PTPRQ: variants seen among roughly 807,000 people sequenced by gnomAD.
PTPRQ encodes the protein protein tyrosine phosphatase receptor type Q.
Under a neutral mutation model 246.0 loss-of-function variants are expected in PTPRQ, and 199 were observed. That is an observed-to-expected ratio of 0.81 (90% CI 0.72 to 0.91). PTPRQ has a LOEUF of 0.91. PTPRQ is among the 40% of genes least tolerant of loss of function. The pLI, the probability that PTPRQ is intolerant of heterozygous loss-of-function variation, is 0.00. For synonymous variants in PTPRQ, 869 were observed against 853.2 expected (o/e 1.02, Z -0.32); for missense variants, 2,624 against 2,528.4 (o/e 1.04, Z -0.81).
chr12:80,523,492 G>T (rs1487048005), intron 17 of PTPRQ, among the ~76,000 whole-genome samples: 3 of 152,084 alleles, frequency 2.0e-5, no homozygotes, highest in Non-Finnish European at 4.4e-5. Flanking sequence ...GCTTTCTCTT[G>T]TGGGCATTTA....
rs538908735 is a variant in PTPRQ at position 80,523,478 on chromosome 12, T to C, written c.2679-10537T>C. Among the ~76,000 whole-genome samples the C allele has an allele frequency of 1.9e-3, 292 of 152,356 alleles. 2 individuals are homozygous for C. The highest frequency in any genetic ancestry group is 6.9e-3 in the African/African-American group (285 of 41,588). ...TGTTAGGGTGTCAATTTTAGATCTT[T>C]CCTGCTTTCTCTTGTGGGCATTTAG... On this transcript the variant is annotated intron_variant, in intron 17 of 44. Transcript: ENST00000644991.
chr12:80,624,395 A>G (rs991733352), intron 33 of PTPRQ, among the ~76,000 whole-genome samples: 43 of 152,012 alleles, frequency 2.8e-4, no homozygotes, highest in African/African-American at 9.7e-4. Flanking sequence ...TCTTCCAGGG[A>G]CTCTCTCCTG....
chr12:80,652,216 A>C (rs750715553), intron 37 of PTPRQ, among the ~76,000 whole-genome samples: 6 of 152,094 alleles, frequency 3.9e-5, no homozygotes, highest in Non-Finnish European at 7.4e-5. Flanking sequence ...CCCTTCATCT[A>C]TATCTGATAA....
At chr12:80,492,171 A>G (rs1894470874) in intron 9 of PTPRQ, among the ~76,000 whole-genome samples, 1 of 151,952 alleles carries the variant, frequency 6.6e-6, no homozygotes, top group African/African-American at 2.4e-5. Flanking sequence ...GTAATCATCA[A>G]TAGGCTGCCA....
chr12:80,546,793 G>T, intron 24 of PTPRQ, 96 bp downstream of exon 24: 1 of 1,412,900 alleles, frequency 7.1e-7, no homozygotes, highest in Admixed American at 2.6e-5. Context: ...CATTACTTAA[G>T]AGTCTACTCA....
chr12:80,613,733 C>T lies in PTPRQ; in HGVS notation c.5060C>T (p.Pro1687Leu). 6.5e-7 allele frequency: 1 copy of T among 1,545,892 alleles called. No homozygotes were observed. The highest frequency in any genetic ancestry group is 8.7e-7 in the Non-Finnish European group (1 of 1,143,136). ...YQALVYREDD[P>L]TAVQIHNLSI... The stretch of plus-strand genomic sequence containing the variant: ...GCTCTGGTTTACCGAGAAGATGATC[C>T]TACTGCTGTCCAGATTCACAACCTC... The change falls in exon 29 of 45, where the codon CCT becomes CTT. Residue 1687 changes from proline (P) to leucine (L), a missense_variant. Pro to Leu is a moderately conservative substitution (Grantham distance 98). Transcript: ENST00000644991.
chr12:80,527,721 G>A (rs1200040023), intron 17 of PTPRQ, among the ~76,000 whole-genome samples: 2 of 152,168 alleles, frequency 1.3e-5, no homozygotes, highest in Non-Finnish European at 2.9e-5. Flanking sequence ...AAAATTAAGA[G>A]ATATCTTTAA....
chr12:80,478,560 A>G (rs1893909160), intron 8 of PTPRQ, among the ~76,000 whole-genome samples: 1 of 152,114 alleles, frequency 6.6e-6, no homozygotes, highest in South Asian at 2.1e-4. Flanking sequence ...GAGAAGCTTC[A>G]GACGATCAAA....
intron 17 of PTPRQ, among the ~76,000 whole-genome samples, chr12:80,520,385 G>C (rs1172344065): frequency 6.6e-6 from 1 of 151,962 alleles, no homozygotes; most frequent in East Asian, 1.9e-4. Flanking sequence ...TATACTTTAA[G>C]TTTTAGGGTA....
At chr12:80,499,401 A>C (rs935808527) in intron 14 of PTPRQ, among the ~76,000 whole-genome samples, 1 of 152,008 alleles carries the variant, frequency 6.6e-6, no homozygotes, top group Middle Eastern at 3.2e-3. Flanking sequence ...TGCTACTGTT[A>C]AACCACCCAC....
At chr12:80,654,226 C>T (rs1442472646) in intron 38 of PTPRQ, among the ~76,000 whole-genome samples, 1 of 152,152 alleles carries the variant, frequency 6.6e-6, no homozygotes, top group Non-Finnish European at 1.5e-5. Context: ...TCCCAAGTAG[C>T]TGGGATTACA....
intron 14 of PTPRQ, among the ~76,000 whole-genome samples, chr12:80,499,075 C>G (rs890175508): frequency 6.6e-6 from 1 of 151,162 alleles, no homozygotes; most frequent in Non-Finnish European, 1.5e-5. Context: ...GACCTAGGAC[C>G]ATTTGGGTAA....
chr12:80,478,894 G>C lies in PTPRQ; in HGVS notation c.1187-5539G>C, dbSNP rs563912529. 6.6e-5 allele frequency among the ~76,000 whole-genome samples: 10 copies of C among 152,268 alleles called. No individual in the cohort carries two copies. In the East Asian group the frequency reaches 1.9e-3, roughly 29 times the overall value. ...GACTATGTGAAAAGACCAAATCTAC[G>C]TCTGATTGGTGTACCTGAAAGTGAC... On this transcript the variant is annotated intron_variant, in intron 8 of 44. Transcript: ENST00000644991.
Position 80,588,251 on chromosome 12 carries a change from C to A in PTPRQ, c.4408C>A (p.Arg1470Ser). 6.4e-7 allele frequency: 1 copy of A among 1,551,566 alleles called. No homozygotes were observed. The highest frequency in any genetic ancestry group is 8.7e-7 in the Non-Finnish European group (1 of 1,146,924). Residue 1470 changes from arginine (R) to serine (S), a missense_variant, in exon 26 of 45, where the codon CGT becomes AGT. Physicochemically the swap from Arg to Ser is moderately radical, Grantham distance 110. Transcript: ENST00000644991. ...FQNYKITTQL[R>S]AQKCKEWESE... ...AAATTACAAAATTACCACTCAACTT[C>A]GTGCTCAAAAATGCAAAGAATGGGA...
chr12:80,524,220 G>A (rs532603896), intron 17 of PTPRQ, among the ~76,000 whole-genome samples: 3 of 152,226 alleles, frequency 2.0e-5, no homozygotes, highest in East Asian at 3.9e-4. Context: ...TTGCTTGGTA[G>A]ATCTTCCTCC....
intron 8 of PTPRQ, among the ~76,000 whole-genome samples, chr12:80,473,800 C>T (rs950557241): frequency 6.6e-6 from 1 of 152,176 alleles, no homozygotes; most frequent in Admixed American, 6.5e-5. Flanking sequence ...TTCACAAGGC[C>T]TATTTTTCAC....
At chr12:80,639,500 A>G (rs1314830953) in intron 35 of PTPRQ, among the ~76,000 whole-genome samples, 1 of 152,192 alleles carries the variant, frequency 6.6e-6, no homozygotes, top group Non-Finnish European at 1.5e-5. Context: ...GCCCAATCCA[A>G]TAATCACGAA....
intron 12 of PTPRQ, 136 bp downstream of exon 12, chr12:80,495,507 C>T: frequency 1.7e-6 from 2 of 1,166,518 alleles, no homozygotes; most frequent in Non-Finnish European, 2.3e-6. Context: ...TGTTTTGTGT[C>T]ACCATGAATC....
At position 80,444,762 on chromosome 12, in the gene PTPRQ, C is replaced by A; in HGVS notation, c.76C>A (p.Pro26Thr). The stretch of plus-strand genomic sequence containing the variant: ...CTAGGTTGATGTTTCCAATGTCGTT[C>A]CTGGTACTAGGTACGATATAACCAT... Reference protein sequence around the residue: ...ETQVDVSNVVPGTRYDITISS... With the variant: ...ETQVDVSNVVTGTRYDITISS... Residue 26 changes from proline to threonine, a missense_variant, in exon 2 of 45, where the codon CCT (proline) becomes ACT (threonine). Coordinates refer to ENST00000644991, the MANE Select transcript of PTPRQ (RefSeq NM_001145026.2). The A allele has an allele frequency of 6.5e-7, 1 of 1,539,826 alleles. No homozygotes were observed. The highest frequency in any genetic ancestry group is 1.2e-5 in the South Asian group (1 of 83,482).
Sources: gnomAD v4.1 joint callset for allele counts (sites outside exome capture counted in the v4.1 genomes callset) on GRCh38, gnomAD v4.1.1 for gene constraint, MANE v1.5 for transcripts, NCBI Gene and HGNC (gene_info 2026-07-23, HGNC 2026-07-21) for gene names.